The following PGM2 variants were observed in gnomAD, a reference collection of about 807,000 sequenced individuals.
The protein encoded by PGM2 is phosphoglucomutase 2.
PGM2 carries 57 observed loss-of-function variants against 74.6 expected under a neutral mutation model. That is an observed-to-expected ratio of 0.76 (90% CI 0.62 to 0.95). The LOEUF is 0.95. Among genes scored for constraint, PGM2 ranks in the 40% least tolerant of loss-of-function variants. The pLI is 0.00. For missense variants in PGM2, 706 were observed against 741.9 expected, an observed-to-expected ratio of 0.95 and a Z score of 0.56; for synonymous variants, 273 against 260.7, an observed-to-expected ratio of 1.05 and a Z score of -0.46.
intron 11 of PGM2, among the ~76,000 whole-genome samples, chr4:37,849,505 G>C (rs1237352329): frequency 6.8e-6 from 1 of 147,990 alleles, no homozygotes; most frequent in Non-Finnish European, 1.5e-5. Flanking sequence ...TCTGCCTCCT[G>C]GGTTCAAGCA....
chr4:37,844,771 C>G (rs1430992239), intron 7 of PGM2, among the ~76,000 whole-genome samples: 2 of 152,062 alleles, frequency 1.3e-5, no homozygotes, highest in East Asian at 3.9e-4. Flanking sequence ...TGTTCGAGAA[C>G]AGCCTGGCCA....
rs1289423884 is a variant in PGM2 at position 37,834,706 on chromosome 4, G to C, written c.338G>C (p.Ser113Thr). ...TTTGACGCCCGAGCTCATCCATCCA[G>C]TGGGGGTAGCAGCAGAAGGTATTTA... Reference protein sequence around the residue: ...ISFDARAHPSSGGSSRRFARL... With the variant: ...ISFDARAHPSTGGSSRRFARL... Residue 113 changes from serine (S) to threonine (T), a missense_variant, in exon 3 of 14, where the codon AGT becomes ACT. Around this residue, in one of 3 missense-constraint regions of PGM2, gnomAD observed 332 missense variants for 334.9 expected, o/e 0.99. Coordinates refer to ENST00000381967, the MANE Select transcript of PGM2 (RefSeq NM_018290.4). 3 of 1,515,058 alleles carry C rather than the reference G, an allele frequency of 2.0e-6. No homozygotes were observed. The highest frequency in any genetic ancestry group is 2.7e-6 in the Non-Finnish European group (3 of 1,094,084). The allele number at this position is 1,515,058 out of a possible 1,614,324, so 93.9% of individuals were successfully genotyped here.
intron 4 of PGM2, chr4:37,839,369 C>A (rs1014890965): frequency 5.8e-6 from 2 of 346,522 alleles, no homozygotes; most frequent in Non-Finnish European, 1.1e-5. Flanking sequence ...CCTGTCTTGG[C>A]CTCTCAAAGT....
chr4:37,833,687 A>C (rs776214449), intron 2 of PGM2, among the ~76,000 whole-genome samples: 4 of 152,222 alleles, frequency 2.6e-5, no homozygotes, highest in Non-Finnish European at 5.9e-5. Context: ...CTTTGAAGGA[A>C]AATAACAACA....
At chr4:37,847,147 A>G (rs761180811) in intron 9 of PGM2, 36 bp downstream of exon 9, 2 of 1,599,904 alleles carry the variant, frequency 1.3e-6, no homozygotes, top group Non-Finnish European at 8.6e-7. Flanking sequence ...TTTTCCTTTC[A>G]TCTGCTCTGT....
chr4:37,856,201 C>T (rs113316912), intron 13 of PGM2, among the ~76,000 whole-genome samples: 14,092 of 151,612 alleles, frequency 0.093, 1,733 homozygotes, highest in African/African-American at 0.28. Flanking sequence ...CTGGCTAACA[C>T]GGTGAAACCC....
chr4:37,847,671 C>T (rs895353641), intron 10 of PGM2, among the ~76,000 whole-genome samples: 2 of 152,144 alleles, frequency 1.3e-5, no homozygotes, highest in East Asian at 1.9e-4. Flanking sequence ...AGGATCTATG[C>T]TACGGTCTAG....
intron 1 of PGM2, among the ~76,000 whole-genome samples, chr4:37,827,037 C>G (rs886834552): frequency 6.6e-6 from 1 of 152,256 alleles, no homozygotes; most frequent in Non-Finnish European, 1.5e-5. Flanking sequence ...CCGGACGAAA[C>G]CAGCCATCCG....
chr4:37,828,309 A>G (rs1053860004), intron 1 of PGM2, among the ~76,000 whole-genome samples: 1 of 152,148 alleles, frequency 6.6e-6, no homozygotes, highest in African/African-American at 2.4e-5. Context: ...GCATCTGTGT[A>G]TAGAAAAATT....
chr4:37,857,781 T>G (rs1711579171), intron 13 of PGM2, among the ~76,000 whole-genome samples: 2 of 152,244 alleles, frequency 1.3e-5, no homozygotes, highest in Admixed American at 1.3e-4. Flanking sequence ...AAAGCTCATT[T>G]TCTAAGAATT....
In PGM2 at chr4:37,834,734, C is replaced by T. The variant is rs753288857; in HGVS notation, c.356+10C>T. 2 of 1,254,754 alleles carry T rather than the reference C, an allele frequency of 1.6e-6. No homozygotes were observed. The highest frequency in any genetic ancestry group is 2.3e-6 in the Non-Finnish European group (2 of 874,956). The allele number at this position is 1,254,754 out of a possible 1,614,324, so 77.7% of individuals were successfully genotyped here. A position where few individuals can be genotyped will look rare whatever the true frequency, so the allele number is the denominator to read the frequency against. ...GGGGTAGCAGCAGAAGGTATTTAAA[C>T]ATTTTTACAAAATGATGTTTTTATA... On this transcript the variant is annotated intron_variant, in intron 3 of 13. Transcript: ENST00000381967.
chr4:37,852,666 C>T (rs1027340764), intron 12 of PGM2, among the ~76,000 whole-genome samples: 1 of 152,194 alleles, frequency 6.6e-6, no homozygotes, highest in Non-Finnish European at 1.5e-5. Context: ...GCCTCCAATC[C>T]TTCCTTTTTC....
chr4:37,842,658 C>A (rs1725761993), intron 6 of PGM2, among the ~76,000 whole-genome samples: 1 of 78,056 alleles, frequency 1.3e-5, no homozygotes, highest in Admixed American at 1.2e-4. Flanking sequence ...CTTCACATGT[C>A]ATTTTTTTTC....
rs115390167 is a variant in PGM2 at position 37,851,470 on chromosome 4, G to T, written c.1602+1097G>T. On this transcript the variant is annotated intron_variant, in intron 12 of 13. Transcript: ENST00000381967. ...AAAAGAAGACACAAAGGTAGCAGAA[G>T]AGTGTTGCTTTCTATGTTGGGGTTG... is the stretch of plus-strand genomic sequence containing the variant. 9.3e-3 allele frequency among the ~76,000 whole-genome samples: 1,244 copies of T among 134,086 alleles called. 18 individuals carry two copies. Among genetic ancestry groups the T allele is most frequent in the African/African-American group, 0.031 (1,164 of 38,156 alleles). The allele number at this position is 134,086 out of a possible 152,430, so 88.0% of individuals were successfully genotyped here. A position where few individuals can be genotyped will look rare whatever the true frequency, so the allele number is the denominator to read the frequency against.
At position 37,861,749 on chromosome 4, in the gene PGM2, T is replaced by C. The variant is rs1475944334; in HGVS notation, c.*137T>C. The C allele has an allele frequency of 6.7e-5, 34 of 509,082 alleles. No homozygotes were observed. Among genetic ancestry groups the C allele is most frequent in the Admixed American group, 5.7e-4 (19 of 33,046 alleles). The allele number at this position is 509,082 out of a possible 1,614,324, so 31.5% of individuals were successfully genotyped here. On this transcript the variant is annotated 3_prime_UTR_variant, in exon 14 of 14. Transcript: ENST00000381967. ...TTTTACAAAGACCTACATTCCTCATTGTTTCATGTTTGACCTTTAAGGTGA... is the reference window on the plus strand; with the variant it reads ...TTTTACAAAGACCTACATTCCTCATCGTTTCATGTTTGACCTTTAAGGTGA...
At position 37,861,595 on chromosome 4, in the gene PGM2, C is replaced by T. The variant is rs1158260772; in HGVS notation, c.1822C>T (p.Gln608Ter). The T allele has an allele frequency of 3.7e-6, 6 of 1,609,586 alleles. No homozygotes were observed. The highest frequency in any genetic ancestry group is 4.5e-5 in the East Asian group (2 of 44,826). The part of the protein sequence containing the change: ...HFFQPQKYNL[Q>*]PKAD ...TTTCCAGCCACAGAAGTACAATCTG[C>T]AGCCAAAAGCAGACTAAAATAGTCC... The change falls in exon 14 of 14, where the codon CAG (glutamine) becomes TAG (stop). Residue 608 changes from glutamine to a stop codon, truncating the protein, a stop_gained. Transcript: ENST00000381967. LOFTEE classifies it high-confidence loss of function.
intron 3 of PGM2, among the ~76,000 whole-genome samples, chr4:37,836,303 C>T (rs1231273828): frequency 2.0e-5 from 3 of 152,178 alleles, no homozygotes; most frequent in African/African-American, 7.2e-5. Flanking sequence ...TCTCTATCAC[C>T]TGTAACGCGT....
chr4:37,845,910 G>C (rs534742782), intron 8 of PGM2, among the ~76,000 whole-genome samples, 180 bp downstream of exon 8: 81 of 132,008 alleles, frequency 6.1e-4, no homozygotes, highest in Non-Finnish European at 7.8e-4. Context: ...GATCTAGTGT[G>C]GGGGGAGGTT....
chr4:37,832,506 T>G (rs949337756), intron 2 of PGM2, among the ~76,000 whole-genome samples: 3 of 152,228 alleles, frequency 2.0e-5, no homozygotes, highest in Non-Finnish European at 4.4e-5. Flanking sequence ...GAAGCAGATG[T>G]ATGTGATTCA....
Sources: gnomAD v4.1 joint callset for allele counts (sites outside exome capture counted in the v4.1 genomes callset) on GRCh38, gnomAD v4.1.1 for gene constraint, gnomAD v4.1.1 regional missense constraint, MANE v1.5 for transcripts, NCBI Gene and HGNC (gene_info 2026-07-23, HGNC 2026-07-21) for gene names.